The following PARP11 variants were observed in gnomAD, a reference collection of about 807,000 sequenced individuals.
PARP11 encodes the protein poly(ADP-ribose) polymerase family member 11, also known as protein mono-ADP-ribosyltransferase PARP11.
PARP11 carries 31 observed loss-of-function variants against 42.9 expected under a neutral mutation model. That is an observed-to-expected ratio of 0.72 (90% confidence interval 0.54 to 0.98). PARP11 has a LOEUF of 0.98. PARP11 is among the 50% of genes least tolerant of loss of function. PARP11 has a pLI of 0.00. For synonymous variants in PARP11, 137 were observed against 127.3 expected, an observed-to-expected ratio of 1.08 and a Z score of -0.51; for missense variants, 365 against 413.1, an observed-to-expected ratio of 0.88 and a Z score of 1.01.
At chr12:3,828,268 G>A (rs527284686) in intron 3 of PARP11, among the ~76,000 whole-genome samples, 1 of 152,296 alleles carries the variant, frequency 6.6e-6, no homozygotes, top group South Asian at 2.1e-4. Context: ...AAAAGTTCTG[G>A]CCAGGCAAGG....
At chr12:3,843,956 C>A (rs974417420) in intron 1 of PARP11, among the ~76,000 whole-genome samples, 52 of 152,258 alleles carry the variant, frequency 3.4e-4, no homozygotes, top group African/African-American at 1.3e-3. Context: ...CGGTGACTTT[C>A]TTTTTTTGTA....
chr12:3,859,031 G>A (rs1355546116), intron 1 of PARP11, among the ~76,000 whole-genome samples: 1 of 151,180 alleles, frequency 6.6e-6, no homozygotes, highest in Non-Finnish European at 1.5e-5. Context: ...CAGGAGGTGG[G>A]GGGTCACAGT....
chr12:3,824,605 T>C (rs142483542), intron 4 of PARP11: 1 of 981,264 alleles, frequency 1.0e-6, no homozygotes, highest in East Asian at 1.1e-4. Context: ...CCTTTTATTA[T>C]TATCTTGCTT....
intron 1 of PARP11, among the ~76,000 whole-genome samples, chr12:3,865,048 C>T (rs1286385596): frequency 2.0e-5 from 3 of 152,154 alleles, no homozygotes; most frequent in African/African-American, 7.2e-5. Context: ...TGCTTTGGCA[C>T]CATCCTACAA....
chr12:3,853,622 C>T (rs1407359105), intron 1 of PARP11, among the ~76,000 whole-genome samples: 2 of 152,174 alleles, frequency 1.3e-5, no homozygotes, highest in African/African-American at 2.4e-5. Flanking sequence ...TAGGAGCACC[C>T]AGATTCATAA....
intron 1 of PARP11, among the ~76,000 whole-genome samples, chr12:3,835,059 A>G (rs1947728869): frequency 6.6e-6 from 1 of 152,180 alleles, no homozygotes. Flanking sequence ...CACTGTGTAC[A>G]TGCTCAAGGT....
At chr12:3,823,808 C>G (rs908619014) in intron 4 of PARP11, among the ~76,000 whole-genome samples, 25 of 151,262 alleles carry the variant, frequency 1.7e-4, no homozygotes, top group African/African-American at 5.6e-4. Context: ...CTCAGCTACT[C>G]GGGAGGCTGA....
At chr12:3,841,940 T>C in intron 1 of PARP11, 4 of 1,608,308 alleles carry the variant, frequency 2.5e-6, no homozygotes, top group Non-Finnish European at 3.4e-6. Context: ...GTACATTCTC[T>C]CCCTGAAGCA....
intron 1 of PARP11, among the ~76,000 whole-genome samples, chr12:3,867,516 T>G (rs973202153): frequency 6.6e-6 from 1 of 152,298 alleles, no homozygotes; most frequent in African/African-American, 2.4e-5. Context: ...CAGAGATATA[T>G]CTAGAATTTT....
chr12:3,852,651 G>A (rs1948118066), intron 1 of PARP11, among the ~76,000 whole-genome samples: 1 of 152,186 alleles, frequency 6.6e-6, no homozygotes, highest in Non-Finnish European at 1.5e-5. Flanking sequence ...CCAAATCTAT[G>A]TTTGATTGGT....
chr12:3,836,013 T>A (rs1226371854), intron 1 of PARP11, among the ~76,000 whole-genome samples: 2 of 151,610 alleles, frequency 1.3e-5, no homozygotes, highest in South Asian at 2.1e-4. Flanking sequence ...TTTGTAAATT[T>A]TATATATATA....
intron 1 of PARP11, among the ~76,000 whole-genome samples, chr12:3,860,354 T>G (rs1257732875): frequency 6.6e-6 from 1 of 152,064 alleles, no homozygotes; most frequent in Non-Finnish European, 1.5e-5. Context: ...TAAAAGCAAT[T>G]CAGAGATCAT....
chr12:3,870,930 T>C (rs1479649062), intron 1 of PARP11, among the ~76,000 whole-genome samples: 1 of 152,236 alleles, frequency 6.6e-6, no homozygotes, highest in Non-Finnish European at 1.5e-5. Flanking sequence ...TTATTCTAAA[T>C]TATTTTTGCT....
chr12:3,862,763 T>A (rs564866718), intron 1 of PARP11, among the ~76,000 whole-genome samples: 127 of 152,256 alleles, frequency 8.3e-4, no homozygotes, highest in Non-Finnish European at 1.8e-3. Context: ...TATTTTTTAT[T>A]CTATTCCATT....
intron 1 of PARP11, among the ~76,000 whole-genome samples, chr12:3,832,388 A>C (rs1331357762): frequency 2.6e-5 from 4 of 152,212 alleles, no homozygotes; most frequent in African/African-American, 7.2e-5. Flanking sequence ...CACAGCTAGC[A>C]GTACAGAGAA....
chr12:3,855,532 C>G (rs2138103443), intron 1 of PARP11, among the ~76,000 whole-genome samples: 1 of 152,266 alleles, frequency 6.6e-6, no homozygotes. Flanking sequence ...ACAATTGCTA[C>G]AAAGAGAATA....
At chr12:3,819,131 T>C (rs1211449957) in intron 6 of PARP11, among the ~76,000 whole-genome samples, 1 of 152,214 alleles carries the variant, frequency 6.6e-6, no homozygotes, top group Non-Finnish European at 1.5e-5. Flanking sequence ...TGATATTCCC[T>C]TAGTCAAGTA....
chr12:3,834,029 C>G (rs762339761), intron 1 of PARP11, among the ~76,000 whole-genome samples: 8 of 152,188 alleles, frequency 5.3e-5, no homozygotes, highest in Non-Finnish European at 8.8e-5. Flanking sequence ...AATTTCTATT[C>G]CAGGTACAGC....
chr12:3,851,620 G>A (rs1191117750), intron 1 of PARP11, among the ~76,000 whole-genome samples: 1 of 152,198 alleles, frequency 6.6e-6, no homozygotes, highest in African/African-American at 2.4e-5. Context: ...CTTGAACTGG[G>A]TGGAGCCCAC....
Sources: gnomAD v4.1 joint callset for allele counts (sites outside exome capture counted in the v4.1 genomes callset) on GRCh38, gnomAD v4.1.1 for gene constraint, MANE v1.5 for transcripts, NCBI Gene and HGNC (gene_info 2026-07-23, HGNC 2026-07-21) for gene names.